Variants in SPTA1 observed in about 807,000 individuals in gnomAD.
SPTA1 encodes the protein spectrin alpha, erythrocytic 1, also known as spectrin alpha chain, erythrocytic 1.
A neutral mutation model predicts 324.7 loss-of-function variants in SPTA1; 177 were observed. The ratio of observed to expected loss-of-function variants is 0.55; its 90% CI spans 0.48 to 0.62. The LOEUF (loss-of-function observed/expected upper bound fraction) is 0.62. Among genes scored for constraint, SPTA1 ranks in the 20% least tolerant of loss-of-function variants. SPTA1 has a pLI of 0.00. For synonymous variants in SPTA1, 1,195 were observed against 1,041.3 expected (o/e 1.15, Z -2.84); for missense variants, 3,162 against 2,883.6 (o/e 1.10, Z -2.21).
chr1:158,671,926 G>T (rs1003814313), intron 11 of SPTA1, 133 bp downstream of exon 11: 63 of 1,147,930 alleles, frequency 5.5e-5, no homozygotes, highest in Non-Finnish European at 7.8e-5. Flanking sequence ...TCTTTTTCTT[G>T]TGGATCACCC....
chr1:158,667,684 T>C (rs1653709343), intron 15 of SPTA1, among the ~76,000 whole-genome samples, 174 bp downstream of exon 15: 1 of 152,170 alleles, frequency 6.6e-6, no homozygotes, highest in Non-Finnish European at 1.5e-5. Flanking sequence ...ATATATAGTG[T>C]TATAAATTCA....
At position 158,647,726 on chromosome 1, in the gene SPTA1, G is replaced by A. The variant is rs1042574776; in HGVS notation, c.3715-6C>T. The A allele has an allele frequency of 6.2e-7, 1 of 1,613,814 alleles. No individual in the cohort carries two copies. The highest frequency in any genetic ancestry group is 2.2e-5 in the East Asian group (1 of 44,848). On this transcript the variant is annotated splice_polypyrimidine_tract_variant and splice_region_variant and intron_variant, in intron 26 of 51. Coordinates refer to ENST00000643759, the MANE Select transcript of SPTA1 (RefSeq NM_003126.4). ...GTCTCCCCCAGTATGGTCACCTGGG[G>A]AGGTACAATAGCTCTGATAATCAGC...
In SPTA1 at chr1:158,639,608, A is replaced by G; in HGVS notation, c.4954T>C (p.Leu1652=). ...TCTCGAGCCAACATCTCTCTCTCCA[A>G]TAGCTGATGCTTCTTGAGTAGGTTT... ...AGNLLKKHQL[L]EREMLAREDA... The change falls in exon 35 of 52, where the codon TTG becomes CTG. Residue 1652 remains leucine, a synonymous_variant. Coordinates refer to ENST00000643759, the MANE Select transcript of SPTA1 (RefSeq NM_003126.4). The G allele has an allele frequency of 6.2e-7, 1 of 1,613,926 alleles. No homozygotes were observed. The highest frequency in any genetic ancestry group is 8.5e-7 in the Non-Finnish European group (1 of 1,179,892).
At position 158,644,385 on chromosome 1, in the gene SPTA1, C is replaced by A. The variant is rs774133420; in HGVS notation, c.4206G>T (p.Gly1402=). 1 of 1,613,592 alleles carries A rather than the reference C, an allele frequency of 6.2e-7. No individual in the cohort carries two copies. The highest frequency in any genetic ancestry group is 1.3e-5 in the African/African-American group (1 of 74,850). The change falls in exon 30 of 52, where the codon GGG becomes GGT. Residue 1402 remains glycine (G), a synonymous_variant. Transcript: ENST00000643759. ...DQCLELQMFQ[G]NCDQVESWMV... Reference sequence around the variant, plus strand: ...TCCAGCTCTCAACTTGATCACAGTTCCCCTGGAACATCTATGAGGAATCAA... The same window carrying A: ...TCCAGCTCTCAACTTGATCACAGTTACCCTGGAACATCTATGAGGAATCAA...
At chr1:158,652,277 A>G (rs1652497798) in intron 23 of SPTA1, among the ~76,000 whole-genome samples, 190 bp downstream of exon 23, 1 of 152,192 alleles carries the variant, frequency 6.6e-6, no homozygotes, top group African/African-American at 2.4e-5. Flanking sequence ...TAGGGTAACT[A>G]GTTTTCTCTG....
At position 158,627,011 on chromosome 1, in the gene SPTA1, T is replaced by C; in HGVS notation, c.5665-4A>G. 1 of 1,613,666 alleles carries C rather than the reference T, an allele frequency of 6.2e-7. No homozygotes were observed. Among genetic ancestry groups the C allele is most frequent in the Non-Finnish European group, 8.5e-7 (1 of 1,179,678 alleles). On this transcript the variant is annotated splice_region_variant and splice_polypyrimidine_tract_variant and intron_variant, in intron 40 of 51. Coordinates refer to ENST00000643759, the MANE Select transcript of SPTA1 (RefSeq NM_003126.4). ...TCTGACTTTCCTCCTGCAACACCTG[T>C]GAGAAGGGGAGAGACAAATATATTT...
Position 158,614,311 on chromosome 1 carries a change from A to AAG in SPTA1, c.6789-7_6789-6dup. 1 of 1,539,270 alleles carries AAG rather than the reference A, an allele frequency of 6.5e-7. No homozygotes were observed. The highest frequency in any genetic ancestry group is 1.1e-5 in the South Asian group (1 of 88,406). ...TCACTCACACCTTTGATGTCCCTGAAAGAAAAAAAAAAAACATGAATTTTC... is the reference window on the plus strand; with the variant it reads ...TCACTCACACCTTTGATGTCCCTGAAAGAGAAAAAAAAAAAACATGAATTTTC... On this transcript the variant is annotated splice_polypyrimidine_tract_variant and splice_region_variant and intron_variant, in intron 48 of 51. Coordinates refer to ENST00000643759, the MANE Select transcript of SPTA1 (RefSeq NM_003126.4).
At chr1:158,632,437 G>A (rs1557935769) in intron 39 of SPTA1, among the ~76,000 whole-genome samples, 1 of 151,390 alleles carries the variant, frequency 6.6e-6, no homozygotes, top group Non-Finnish European at 1.5e-5. Context: ...TAGATCTCAT[G>A]TTCAGTGTTT....
At position 158,626,896 on chromosome 1, in the gene SPTA1, C is replaced by T; in HGVS notation, c.5776G>A (p.Asp1926Asn). 2.5e-6 allele frequency: 4 copies of T among 1,613,952 alleles called. No individual in the cohort carries two copies. Among genetic ancestry groups the T allele is most frequent in the Non-Finnish European group, 3.4e-6 (4 of 1,179,850 alleles). Reference protein sequence around the residue: ...AIAAWKLQLEDDYAFQEFNWK... With the variant: ...AIAAWKLQLENDYAFQEFNWK... ...TTGAATTCCTGAAAGGCATAATCGT[C>T]TTCCAATTGCAACTTCCAAGCAGCT... Residue 1926 changes from aspartate to asparagine, a missense_variant, in exon 41 of 52, where the codon GAC becomes AAC. Physicochemically the swap from Asp to Asn is conservative, Grantham distance 23. Transcript: ENST00000643759.
At chr1:158,657,797 G>A in intron 18 of SPTA1, 103 bp from the exon 19 acceptor site, 1 of 1,215,716 alleles carries the variant, frequency 8.2e-7, no homozygotes, top group Non-Finnish European at 1.2e-6. Flanking sequence ...GATAAAAATG[G>A]TATGTTATTT....
At chr1:158,644,605 A>G (rs1009625264) in intron 29 of SPTA1, among the ~76,000 whole-genome samples, 1 of 152,110 alleles carries the variant, frequency 6.6e-6, no homozygotes, top group African/African-American at 2.4e-5. Context: ...GCTACCTCCA[A>G]TTCCTGGGGT....
chr1:158,662,269 A>C (rs985247238), intron 17 of SPTA1, among the ~76,000 whole-genome samples: 1 of 152,186 alleles, frequency 6.6e-6, no homozygotes, highest in African/African-American at 2.4e-5. Flanking sequence ...CTGGTGAACT[A>C]GCAGCTTCTG....
intron 30 of SPTA1, 51 bp downstream of exon 30, chr1:158,644,202 G>A (rs750107626): frequency 6.2e-6 from 10 of 1,600,786 alleles, no homozygotes; most frequent in Non-Finnish European, 8.6e-6. Context: ...TAGGATTTCT[G>A]TTATTATTAC....
intron 32 of SPTA1, 47 bp from the exon 33 acceptor site, chr1:158,642,589 T>A (rs1651687523): frequency 6.2e-7 from 1 of 1,610,086 alleles, no homozygotes; most frequent in African/African-American, 1.3e-5. Context: ...TTATTTATGG[T>A]GACAAGATAA....
At chr1:158,614,218 A>G (rs1649420491) in intron 49 of SPTA1, 35 bp downstream of exon 49, 2 of 1,467,012 alleles carry the variant, frequency 1.4e-6, no homozygotes, top group East Asian at 2.3e-5. Flanking sequence ...TAATCTGAAA[A>G]ACAAAGAAGC....
In SPTA1 at chr1:158,681,734, GT is replaced by G. The variant is rs1463429380; in HGVS notation, c.391-68del. Reference sequence around the variant, plus strand: ...GGAGCAGGGAAACACTCAGAGACTTGTGCAGAAAGAGACCTGGATAAAAATT... The same window carrying G: ...GGAGCAGGGAAACACTCAGAGACTTGGCAGAAAGAGACCTGGATAAAAATT... On this transcript the variant is annotated intron_variant, in intron 3 of 51. Transcript: ENST00000643759. The G allele has an allele frequency of 4.4e-6, 7 of 1,604,412 alleles. No homozygotes were observed. In the Admixed American group the frequency reaches 1.0e-4, roughly 23 times the overall value.
At chr1:158,670,226 A>C (rs1036344474) in intron 12 of SPTA1, among the ~76,000 whole-genome samples, 1 of 152,144 alleles carries the variant, frequency 6.6e-6, no homozygotes, top group Non-Finnish European at 1.5e-5. Flanking sequence ...CTATATCTCT[A>C]TCTCTATCTC....
intron 21 of SPTA1, among the ~76,000 whole-genome samples, chr1:158,653,932 C>G (rs761959853): frequency 3.3e-5 from 5 of 151,920 alleles, no homozygotes; most frequent in African/African-American, 4.8e-5. Flanking sequence ...GGCTAATTTC[C>G]TCAAAAAATA....
intron 16 of SPTA1, among the ~76,000 whole-genome samples, 184 bp from the exon 17 acceptor site, chr1:158,663,129 A>G (rs7547515): frequency 0.07 from 10,605 of 152,208 alleles, 1,249 homozygotes; most frequent in African/African-American, 0.24. Flanking sequence ...CACATCAGGT[A>G]AGGGCTATTC....
Sources: allele counts gnomAD v4.1 joint callset (sites outside exome capture counted in the v4.1 genomes callset), GRCh38; gene constraint gnomAD v4.1.1; transcripts MANE v1.5; gene names NCBI Gene and HGNC (gene_info 2026-07-23, HGNC 2026-07-21).